ZNF260: variants seen among roughly 807,000 people sequenced by gnomAD.
ZNF260 encodes zfp-260.
A neutral mutation model predicts 29.3 loss-of-function variants in ZNF260; 21 were observed. The ratio of observed to expected loss-of-function variants is 0.72; its 90% confidence interval spans 0.51 to 1.03. The LOEUF (loss-of-function observed/expected upper bound fraction) is 1.03. Ranked by LOEUF, ZNF260 falls within the 50% of genes least tolerant of loss-of-function variation. ZNF260 has a pLI of 0.00. For synonymous variants in ZNF260, 156 were observed against 156.8 expected, an observed-to-expected ratio of 0.99 and a Z score of 0.04; for missense variants, 465 against 487.8, an observed-to-expected ratio of 0.95 and a Z score of 0.44.
At position 36,511,903 on chromosome 19, in the gene ZNF260, C is replaced by T. The variant is rs374706665; in HGVS notation, c.*2097G>A. On this transcript the variant is annotated 3_prime_UTR_variant, in exon 3 of 3. Transcript: ENST00000523638. Reference sequence around the variant, plus strand: ...GAAATCCAGGAGTTAATGTTTTCCTCAATGGCTTATAAAAAAATTGAAGAG... The same window carrying T: ...GAAATCCAGGAGTTAATGTTTTCCTTAATGGCTTATAAAAAAATTGAAGAG... 2 of 152,034 alleles carry T rather than the reference C, an allele frequency of 1.3e-5. No homozygotes were observed. Among genetic ancestry groups the T allele is most frequent in the South Asian group, 2.1e-4 (1 of 4,810 alleles). The allele number at this position is 152,034 out of a possible 1,614,324, so 9.4% of individuals were successfully genotyped here. A position where few individuals can be genotyped will look rare whatever the true frequency, so the allele number is the denominator to read the frequency against.
At chr19:36,524,536 T>TTTTTTTTTTTTTTTTTTTTTTTTG (rs1237527961) in intron 2 of ZNF260, among the ~76,000 whole-genome samples, 1 of 131,382 alleles carries the variant, frequency 7.6e-6, no homozygotes, top group Non-Finnish European at 1.7e-5. Flanking sequence ...TTTTTTTTTA[T>TTTTTTTTTTTTTTTTTTTTTTTTG]TGATCATTCT....
intron 1 of ZNF260, 94 bp from the exon 2 acceptor site, chr19:36,525,467 G>C (rs1031705283): frequency 6.6e-6 from 1 of 151,984 alleles, no homozygotes; most frequent in African/African-American, 2.4e-5. Flanking sequence ...CCTCAGGCCA[G>C]ACCCATTATG....
At chr19:36,526,686 G>A (rs1037493658) in intron 1 of ZNF260, among the ~76,000 whole-genome samples, 2 of 152,026 alleles carry the variant, frequency 1.3e-5, no homozygotes, top group Non-Finnish European at 2.9e-5. Context: ...GTATTGTTTA[G>A]GGAATCATGA....
At chr19:36,524,477 C>A (rs557418425) in intron 2 of ZNF260, among the ~76,000 whole-genome samples, 1 of 150,982 alleles carries the variant, frequency 6.6e-6, no homozygotes, top group African/African-American at 2.4e-5. Flanking sequence ...CCACGCCTGG[C>A]CAGAATGATT....
chr19:36,521,771 C>T (rs1056261456), intron 2 of ZNF260, among the ~76,000 whole-genome samples: 1 of 149,332 alleles, frequency 6.7e-6, no homozygotes. Flanking sequence ...AAAATAAGGC[C>T]GGGTGCGGTG....
intron 2 of ZNF260, among the ~76,000 whole-genome samples, chr19:36,517,818 A>C (rs1167349127): frequency 6.6e-6 from 1 of 150,438 alleles, no homozygotes; most frequent in Non-Finnish European, 1.5e-5. Context: ...TGGAAGAATT[A>C]TTTTCTTTTT....
intron 2 of ZNF260, among the ~76,000 whole-genome samples, chr19:36,521,755 A>C (rs906819722): frequency 6.6e-6 from 1 of 151,534 alleles, no homozygotes; most frequent in Non-Finnish European, 1.5e-5. Flanking sequence ...CTCTGTCTAA[A>C]AAAATAAAAT....
intron 2 of ZNF260, among the ~76,000 whole-genome samples, chr19:36,520,550 G>C (rs920077069): frequency 6.6e-6 from 1 of 152,062 alleles, no homozygotes; most frequent in Non-Finnish European, 1.5e-5. Context: ...TGTAATCCCA[G>C]AACTTTAGAA....
rs879429798 is a variant in ZNF260, at chr19:36,522,634, AACC to A, written c.-462+2518_-462+2520del. 5.1e-3 allele frequency among the ~76,000 whole-genome samples: 784 copies of A among 152,294 alleles called. 7 individuals are homozygous for A. Among genetic ancestry groups the A allele is most frequent in the African/African-American group, 0.018 (743 of 41,566 alleles). ...TGTAGCCTACAAAGACTTAAATATT[AACC>A]ATCTGGCCCTTTACAGAAAAAGCTT... On this transcript the variant is annotated intron_variant, in intron 2 of 2. Transcript: ENST00000523638.
Position 36,511,793 on chromosome 19 carries a change from C to T in ZNF260, c.*2207G>A. On this transcript the variant is annotated 3_prime_UTR_variant, in exon 3 of 3. Transcript: ENST00000523638. ...ATCTCCTTTTTCAGCACGGTCTTCCCAAGGTAACAAGGGGGTTGGGATTGA... is the reference window on the plus strand; with the variant it reads ...ATCTCCTTTTTCAGCACGGTCTTCCTAAGGTAACAAGGGGGTTGGGATTGA... 6.6e-6 allele frequency: 1 copy of T among 151,858 alleles called. No homozygotes were observed. Among genetic ancestry groups the T allele is most frequent in the South Asian group, 2.1e-4 (1 of 4,810 alleles). 9.4% of individuals were successfully genotyped at this position (151,858 alleles called of 1,614,324 possible). A position where few individuals can be genotyped will look rare whatever the true frequency, so the allele number is the denominator to read the frequency against.
In ZNF260 at chr19:36,515,272, T is replaced by C. The variant is rs748365269; in HGVS notation, c.-34A>G. ...ATTTAATCAGGAGATTTCCCTAGTA[T>C]CAAATAAGATGTAATAAGGATGAAA... is the stretch of plus-strand genomic sequence containing the variant. On this transcript the variant is annotated 5_prime_UTR_variant, in exon 3 of 3. An upstream open reading frame in the 5' UTR loses its in-frame stop. Coordinates refer to ENST00000523638, the MANE Select transcript of ZNF260 (RefSeq NM_001166037.2). The C allele has an allele frequency of 3.9e-5, 59 of 1,499,398 alleles. No individual in the cohort carries two copies. The highest frequency in any genetic ancestry group is 5.2e-5 in the Non-Finnish European group (59 of 1,124,142). The allele number at this position is 1,499,398 out of a possible 1,614,324, so 92.9% of individuals were successfully genotyped here.
In ZNF260 at chr19:36,513,492, G is replaced by C; in HGVS notation, c.*508C>G. On this transcript the variant is annotated 3_prime_UTR_variant, in exon 3 of 3. Coordinates refer to ENST00000523638, the MANE Select transcript of ZNF260 (RefSeq NM_001166037.2). ...TAATCCATGATTTCCCCACCAATCT[G>C]GGATACCGCCTCTATCAATTACCAA... The C allele has an allele frequency of 2.8e-6, 1 of 363,116 alleles. No individual in the cohort carries two copies. The highest frequency in any genetic ancestry group is 4.9e-6 in the Non-Finnish European group (1 of 204,344). 22.5% of individuals were successfully genotyped at this position (363,116 alleles called of 1,614,324 possible). A position where few individuals can be genotyped will look rare whatever the true frequency, so the allele number is the denominator to read the frequency against.
chr19:36,524,052 A>G (rs1600217024), intron 2 of ZNF260, among the ~76,000 whole-genome samples: 2 of 152,334 alleles, frequency 1.3e-5, no homozygotes, highest in African/African-American at 4.8e-5. Context: ...TCTGAGGAAT[A>G]TAACAATGGA....
At chr19:36,520,800 C>A (rs2034632004) in intron 2 of ZNF260, among the ~76,000 whole-genome samples, 1 of 144,988 alleles carries the variant, frequency 6.9e-6, no homozygotes, top group South Asian at 2.2e-4. Context: ...GCAGAGGTTG[C>A]AGTGAGCTGA....
At chr19:36,527,855 AG>A (rs1214899354) in intron 1 of ZNF260, among the ~76,000 whole-genome samples, 1 of 152,188 alleles carries the variant, frequency 6.6e-6, no homozygotes, top group Admixed American at 6.5e-5. Flanking sequence ...TCAATTCCTT[AG>A]CCTTTTCCGT....
In ZNF260 at chr19:36,514,125, ACT is replaced by A; in HGVS notation, c.1112_1113del (p.Gln371LeufsTer14). 2 of 1,613,934 alleles carry A rather than the reference ACT, an allele frequency of 1.2e-6. No individual in the cohort carries two copies. Among genetic ancestry groups the A allele is most frequent in the East Asian group, 4.5e-5 (2 of 44,850 alleles). ...GCNECGKAFS[Q>X]FSTLALHMRI... ...CTCATGTGCAGAGCAAGGGTTGAGAACTGAGAAAAGGCTTTCCCACATTCATT... is the reference window on the plus strand; with the variant it reads ...CTCATGTGCAGAGCAAGGGTTGAGAAGAGAAAAGGCTTTCCCACATTCATT... On this transcript the variant is annotated frameshift_variant, in exon 3 of 3. Coordinates refer to ENST00000523638, the MANE Select transcript of ZNF260 (RefSeq NM_001166037.2). LOFTEE classifies it high-confidence loss of function.
chr19:36,516,739 C>G (rs1026975915), intron 2 of ZNF260, among the ~76,000 whole-genome samples: 1 of 152,162 alleles, frequency 6.6e-6, no homozygotes, highest in East Asian at 1.9e-4. Context: ...CCACCATGCC[C>G]TGCCAATTTT....
Position 36,514,900 on chromosome 19 carries a change from A to G in ZNF260, c.339T>C (p.Cys113=), listed in dbSNP as rs1568550256. The G allele has an allele frequency of 1.9e-6, 3 of 1,614,116 alleles. No individual in the cohort carries two copies. Among genetic ancestry groups the G allele is most frequent in the Non-Finnish European group, 2.5e-6 (3 of 1,180,024 alleles). Residue 113 remains cysteine, a synonymous_variant, in exon 3 of 3, where the codon TGT becomes TGC. Coordinates refer to ENST00000523638, the MANE Select transcript of ZNF260 (RefSeq NM_001166037.2). ...KHHTGEKPYE[C]EKVSIQMPTI... is the part of the protein sequence containing the mutation. ...TTGGCATCTGAATAGAAACTTTTTCACATTCATAAGGTTTCTCTCCAGTGT... is the reference window on the plus strand; with the variant it reads ...TTGGCATCTGAATAGAAACTTTTTCGCATTCATAAGGTTTCTCTCCAGTGT...
rs2034484072 is a variant in ZNF260 at position 36,513,388 on chromosome 19, T to C, written c.*612A>G. 5.5e-6 allele frequency: 1 copy of C among 181,844 alleles called. No homozygotes were observed. Among genetic ancestry groups the C allele is most frequent in the Non-Finnish European group, 1.1e-5 (1 of 88,404 alleles). The allele number at this position is 181,844 out of a possible 1,614,324, so 11.3% of individuals were successfully genotyped here. On this transcript the variant is annotated 3_prime_UTR_variant, in exon 3 of 3. Transcript: ENST00000523638. The stretch of plus-strand genomic sequence containing the variant: ...TTTTGCATTTTAGTCTTTAGTACTT[T>C]AAGAATTCATAAGAAAAATATTTTA...
Sources: allele counts gnomAD v4.1 joint callset (sites outside exome capture counted in the v4.1 genomes callset), GRCh38; gene constraint gnomAD v4.1.1; transcripts MANE v1.5; gene names NCBI Gene and HGNC (gene_info 2026-07-23, HGNC 2026-07-21).